YAE1: variants seen among roughly 807,000 people sequenced by gnomAD.
YAE1 encodes the protein YAE1 maturation factor of ABCE1.
In YAE1, 22 loss-of-function variants were observed where a neutral mutation model predicts 23.0. The observed-to-expected ratio is 0.96, with a 90% CI of 0.68 to 1.37. The LOEUF is 1.37. Ranked by LOEUF, YAE1 falls within the 40% of genes most tolerant of loss-of-function variation. The pLI is 0.00. For missense variants in YAE1, 260 were observed against 262.1 expected (o/e 0.99, Z 0.06); for synonymous variants, 101 against 97.0 (o/e 1.04, Z -0.24).
intron 2 of YAE1, among the ~76,000 whole-genome samples, chr7:39,597,235 C>G (rs1272017106): frequency 2.6e-5 from 4 of 152,162 alleles, no homozygotes; most frequent in African/African-American, 4.8e-5. Context: ...ATAATCAACT[C>G]TATTCATTTC....
intron 2 of YAE1, among the ~76,000 whole-genome samples, chr7:39,571,292 T>C (rs1489280129): frequency 7.0e-6 from 1 of 141,906 alleles, no homozygotes; most frequent in African/African-American, 2.7e-5. Context: ...TTTTTTTTTT[T>C]AACTCATCAG....
At chr7:39,587,018 TTTTCTTTCTCTTTCTCTTTCTTTCTTTTC>T (rs1790828336) in intron 2 of YAE1, among the ~76,000 whole-genome samples, 1 of 131,844 alleles carries the variant, frequency 7.6e-6, no homozygotes, top group African/African-American at 2.6e-5. Context: ...TTTTCTTTTC[TTTTCTTTCTCTTTCTCTTTCTTTCTTTTC>T]TTTCTTTCTC....
chr7:39,610,001 C>T, exon 3 of YAE1: 1 of 1,511,120 alleles, frequency 6.6e-7, no homozygotes, highest in Non-Finnish European at 8.8e-7. Flanking sequence ...TGTTCTTAAT[C>T]AGAGGGCAGC....
At chr7:39,609,095 C>G (rs1212663915) in intron 2 of YAE1, among the ~76,000 whole-genome samples, 1 of 152,196 alleles carries the variant, frequency 6.6e-6, no homozygotes, top group African/African-American at 2.4e-5. Context: ...TGCACTCCAG[C>G]CCGCCAGCCC....
At chr7:39,591,586 C>T (rs1790901639) in intron 2 of YAE1, among the ~76,000 whole-genome samples, 1 of 151,774 alleles carries the variant, frequency 6.6e-6, no homozygotes, top group African/African-American at 2.4e-5. Context: ...TTCCCAGATA[C>T]CTCCTGCCCC....
intron 2 of YAE1, among the ~76,000 whole-genome samples, chr7:39,603,288 A>G (rs937027230): frequency 2.6e-5 from 4 of 151,944 alleles, no homozygotes; most frequent in Non-Finnish European, 5.9e-5. Context: ...ACAGGCGCCC[A>G]CCACCACGCC....
At chr7:39,603,253 G>A (rs981419103) in intron 2 of YAE1, among the ~76,000 whole-genome samples, 4 of 150,448 alleles carry the variant, frequency 2.7e-5, no homozygotes, top group African/African-American at 4.9e-5. Context: ...ATTCTCCTGC[G>A]TCAGCCTCCC....
At chr7:39,598,797 A>AAGAAGAAGAAG (rs57546427) in intron 2 of YAE1, among the ~76,000 whole-genome samples, 127 of 148,426 alleles carry the variant, frequency 8.6e-4, no homozygotes, top group African/African-American at 3.3e-3. Flanking sequence ...AAAAAAAAAA[A>AAGAAGAAGAAG]AAGAAGAAGA....
chr7:39,597,076 A>T lies in YAE1; in HGVS notation c.252-12541A>T, dbSNP rs376224333. On this transcript the variant is annotated intron_variant, in intron 2 of 2. Transcript: ENST00000432096. ...TATGGCATTTGCCATCATTTAACAGATTAGAAATACAAGGCTTGTCCCTTA... is the reference window on the plus strand; with the variant it reads ...TATGGCATTTGCCATCATTTAACAGTTTAGAAATACAAGGCTTGTCCCTTA... Among the ~76,000 whole-genome samples, 14 of 152,382 alleles carry T rather than the reference A, an allele frequency of 9.2e-5. No individual in the cohort carries two copies. In the East Asian group the frequency reaches 1.7e-3, roughly 19 times the overall value.
At chr7:39,607,545 T>C (rs1791147834) in intron 2 of YAE1, among the ~76,000 whole-genome samples, 1 of 152,252 alleles carries the variant, frequency 6.6e-6, no homozygotes, top group African/African-American at 2.4e-5. Context: ...GTAAGATCCA[T>C]GTTGGACTTT....
At chr7:39,576,944 G>C (rs1790663910), downstream of YAE1, among the ~76,000 whole-genome samples, 1 of 152,106 alleles carries the variant, frequency 6.6e-6, no homozygotes, top group Non-Finnish European at 1.5e-5. Context: ...GCCCAAGCTG[G>C]AGTGCAATGG....
rs909065404 is a variant in YAE1 at position 39,569,840 on chromosome 7, C to T, written c.130-666C>T. ...CACTTATAAAGTTTATGAAGTCCTT[C>T]TGAGTCCTTGGACCCTGAGGATGCC... On this transcript the variant is annotated intron_variant, in intron 1 of 2. Coordinates refer to ENST00000223273, the MANE Select transcript of YAE1 (RefSeq NM_020192.5). 7 of 828,890 alleles carry T rather than the reference C, an allele frequency of 8.4e-6. No individual in the cohort carries two copies. The African/African-American group carries it at 1.2e-4, about 14-fold the overall frequency. The allele number at this position is 828,890 out of a possible 1,614,324, so 51.3% of individuals were successfully genotyped here.
chr7:39,570,313 A>G, intron 1 of YAE1, 193 bp from the exon 2 acceptor site: 1 of 701,972 alleles, frequency 1.4e-6, no homozygotes, highest in Middle Eastern at 4.1e-4. Flanking sequence ...CAAAAGTGGG[A>G]TAAGTAATGA....
downstream of YAE1, among the ~76,000 whole-genome samples, chr7:39,577,128 T>A (rs1690883925): frequency 6.6e-6 from 1 of 152,216 alleles, no homozygotes; most frequent in South Asian, 2.1e-4. Context: ...ACTCCTGACC[T>A]CAGGTGATCC....
Position 39,572,294 on chromosome 7 carries a change from G to A in YAE1, c.269G>A (p.Cys90Tyr), listed in dbSNP as rs1369596323. Reference protein sequence around the residue: ...RGTLSALLSWCHLHNNNSTLI... With the variant: ...RGTLSALLSWYHLHNNNSTLI... ...TTGTTCAGTGCTTTGCTCTCCTGGT[G>A]TCACCTTCATAATAATAATTCAACT... Residue 90 changes from cysteine to tyrosine, a missense_variant, in exon 3 of 3, where the codon TGT (cysteine) becomes TAT (tyrosine). Cys to Tyr is a radical substitution (Grantham distance 194). Transcript: ENST00000223273. 2 of 1,612,204 alleles carry A rather than the reference G, an allele frequency of 1.2e-6. No individual in the cohort carries two copies. Among genetic ancestry groups the A allele is most frequent in the Admixed American group, 3.3e-5 (2 of 59,920 alleles).
chr7:39,607,910 C>T (rs1313895072), intron 2 of YAE1, among the ~76,000 whole-genome samples: 2 of 152,208 alleles, frequency 1.3e-5, no homozygotes, highest in East Asian at 1.9e-4. Flanking sequence ...CTCATGTGAT[C>T]CACCTGCCTT....
intron 2 of YAE1, among the ~76,000 whole-genome samples, chr7:39,594,375 G>A (rs565308479): frequency 1.4e-4 from 21 of 152,214 alleles, no homozygotes; most frequent in African/African-American, 4.1e-4. Context: ...TTAGCTACCC[G>A]GTGCAAGCCT....
intron 2 of YAE1, among the ~76,000 whole-genome samples, chr7:39,596,844 A>G (rs185973638): frequency 6.6e-6 from 1 of 152,340 alleles, no homozygotes; most frequent in East Asian, 1.9e-4. Flanking sequence ...GAATAAATAA[A>G]TGAATACAAG....
intron 2 of YAE1, among the ~76,000 whole-genome samples, chr7:39,587,911 C>G (rs901861416): frequency 1.3e-5 from 2 of 152,124 alleles, no homozygotes; most frequent in Non-Finnish European, 2.9e-5. Context: ...AAAACAAAAA[C>G]TTTTGTATAT....
Sources: gnomAD v4.1 joint callset for allele counts (sites outside exome capture counted in the v4.1 genomes callset) on GRCh38, gnomAD v4.1.1 for gene constraint, MANE v1.5 for transcripts, NCBI Gene and HGNC (gene_info 2026-07-23, HGNC 2026-07-21) for gene names.